Variants in FHIT observed in about 807,000 individuals in gnomAD.
The protein encoded by FHIT is bis(5'-adenosyl)-triphosphatase.
A neutral mutation model predicts 17.9 loss-of-function variants in FHIT; 19 were observed. The ratio of observed to expected loss-of-function variants is 1.06; its 90% CI spans 0.74 to 1.56. The LOEUF (loss-of-function observed/expected upper bound fraction) is 1.56. Among genes scored for constraint, FHIT ranks in the 40% most tolerant of loss-of-function variants. The pLI, the probability that FHIT is intolerant of heterozygous loss-of-function variation, is 0.00. For missense variants in FHIT, 248 were observed against 189.2 expected (o/e 1.31, Z -1.82); for synonymous variants, 81 against 69.7 (o/e 1.16, Z -0.81).
At chr3:60,886,243 A>T (rs1553759232) in intron 3 of FHIT, among the ~76,000 whole-genome samples, 4 of 152,230 alleles carry the variant, frequency 2.6e-5, no homozygotes, top group Non-Finnish European at 1.5e-5. Context: ...AGCAGAGCAC[A>T]CAAGCAAATA....
intron 2 of FHIT, among the ~76,000 whole-genome samples, chr3:61,145,720 T>C (rs1467361909): frequency 6.6e-6 from 1 of 151,334 alleles, no homozygotes; most frequent in Non-Finnish European, 1.5e-5. Context: ...AGTTTTCACA[T>C]CTTATACTTC....
At chr3:60,760,481 C>A (rs1553719493) in intron 4 of FHIT, among the ~76,000 whole-genome samples, 4 of 152,210 alleles carry the variant, frequency 2.6e-5, no homozygotes, top group African/African-American at 9.6e-5. Context: ...TAGGGTCCTG[C>A]AGTAGGATTG....
chr3:60,502,267 G>A (rs1402293233), intron 5 of FHIT, among the ~76,000 whole-genome samples: 2 of 152,078 alleles, frequency 1.3e-5, no homozygotes, highest in South Asian at 2.1e-4. Flanking sequence ...AGATTACTAA[G>A]GCTTTGAAAG....
chr3:60,700,056 G>A (rs1170017599), intron 4 of FHIT, among the ~76,000 whole-genome samples: 6 of 151,426 alleles, frequency 4.0e-5, no homozygotes, highest in African/African-American at 7.3e-5. Context: ...GCTTGAACCC[G>A]GGAGGCAGAG....
intron 8 of FHIT, among the ~76,000 whole-genome samples, chr3:59,898,283 A>G (rs1704164037): frequency 6.6e-6 from 1 of 152,246 alleles, no homozygotes; most frequent in South Asian, 2.1e-4. Flanking sequence ...TTCCCAAGAT[A>G]TCTCACTATG....
chr3:60,040,932 G>A (rs1473407941), intron 5 of FHIT, among the ~76,000 whole-genome samples: 4 of 152,076 alleles, frequency 2.6e-5, no homozygotes, highest in South Asian at 2.1e-4. Flanking sequence ...GGGGCCTCAA[G>A]ATTTATTAGG....
rs184060913 is a variant in FHIT at position 60,881,596 on chromosome 3, A to G, written c.-110-59585T>C. Among the ~76,000 whole-genome samples, 518 of 152,294 alleles carry G rather than the reference A, an allele frequency of 3.4e-3. 5 individuals are homozygous for G. The highest frequency in any genetic ancestry group is 0.011 in the African/African-American group (470 of 41,568). ...ATATCAAGTATCTTTTCTGAACACA[A>G]TGGAATAAAACTAGAAATCAATAAC... is the stretch of plus-strand genomic sequence containing the variant. On this transcript the variant is annotated intron_variant, in intron 3 of 9. Coordinates refer to ENST00000492590, the MANE Select transcript of FHIT (RefSeq NM_002012.4).
At chr3:60,884,081 A>T (rs534164527) in intron 3 of FHIT, among the ~76,000 whole-genome samples, 14 of 152,210 alleles carry the variant, frequency 9.2e-5, no homozygotes, top group Non-Finnish European at 1.9e-4. Context: ...TTAAAAGGAG[A>T]CATACAAATG....
At chr3:60,923,469 A>G (rs557129062) in intron 3 of FHIT, among the ~76,000 whole-genome samples, 1 of 152,336 alleles carries the variant, frequency 6.6e-6, no homozygotes, top group Admixed American at 6.5e-5. Context: ...AGAACCTTGT[A>G]AAGATTAAGT....
At chr3:60,428,140 C>T (rs1372021715) in intron 5 of FHIT, among the ~76,000 whole-genome samples, 1 of 152,060 alleles carries the variant, frequency 6.6e-6, no homozygotes, top group Admixed American at 6.6e-5. Flanking sequence ...TGGCACAACC[C>T]CAAGAGGGCT....
At chr3:59,764,426 A>G (rs1396715759) in intron 8 of FHIT, among the ~76,000 whole-genome samples, 2 of 152,130 alleles carry the variant, frequency 1.3e-5, no homozygotes, top group African/African-American at 2.4e-5. Flanking sequence ...CCTTCTTTCT[A>G]CAATAGGATC....
At chr3:61,229,988 C>T (rs749550127) in intron 1 of FHIT, among the ~76,000 whole-genome samples, 1 of 152,086 alleles carries the variant, frequency 6.6e-6, no homozygotes, top group African/African-American at 2.4e-5. Flanking sequence ...GCAGGTTAAC[C>T]CAGTAAGGGA....
chr3:61,153,491 T>C (rs910321150), intron 2 of FHIT, among the ~76,000 whole-genome samples: 1 of 152,336 alleles, frequency 6.6e-6, no homozygotes, highest in African/African-American at 2.4e-5. Flanking sequence ...CCAGATTTCT[T>C]TGGCCTCAAA....
intron 5 of FHIT, among the ~76,000 whole-genome samples, chr3:60,529,769 T>C (rs1482941233): frequency 6.6e-6 from 1 of 152,170 alleles, no homozygotes; most frequent in Non-Finnish European, 1.5e-5. Flanking sequence ...CTTTCCAAAT[T>C]ACAGGATACC....
At chr3:60,457,511 A>G (rs1024822267) in intron 5 of FHIT, among the ~76,000 whole-genome samples, 2 of 152,154 alleles carry the variant, frequency 1.3e-5, no homozygotes, top group South Asian at 2.1e-4. Context: ...CATTCAGGAC[A>G]TAGGCATGGG....
At chr3:60,565,861 A>C (rs1302144660) in intron 4 of FHIT, among the ~76,000 whole-genome samples, 2 of 152,074 alleles carry the variant, frequency 1.3e-5, no homozygotes, top group Non-Finnish European at 2.9e-5. Flanking sequence ...TTAGGGTGTC[A>C]ATTTTAGATC....
intron 3 of FHIT, among the ~76,000 whole-genome samples, chr3:61,030,399 A>G (rs2032954307): frequency 1.3e-5 from 2 of 152,266 alleles, no homozygotes; most frequent in South Asian, 4.1e-4. Flanking sequence ...GTATGTAGCC[A>G]CTAGCCAAAT....
chr3:61,076,695 A>G (rs1421474842), intron 2 of FHIT, among the ~76,000 whole-genome samples: 1 of 152,204 alleles, frequency 6.6e-6, no homozygotes, highest in Non-Finnish European at 1.5e-5. Flanking sequence ...TGAGCTAGAA[A>G]TATACAGAAT....
intron 3 of FHIT, among the ~76,000 whole-genome samples, chr3:60,933,902 C>G (rs529040661): frequency 4.6e-5 from 7 of 152,148 alleles, no homozygotes; most frequent in Non-Finnish European, 8.8e-5. Flanking sequence ...GCTGAGCCAG[C>G]TCCCACTCTC....
Sources: gnomAD v4.1 joint callset for allele counts (sites outside exome capture counted in the v4.1 genomes callset) on GRCh38, gnomAD v4.1.1 for gene constraint, MANE v1.5 for transcripts, NCBI Gene and HGNC (gene_info 2026-07-23, HGNC 2026-07-21) for gene names.